The following SYNPR variants were observed in gnomAD, a reference collection of about 807,000 sequenced individuals.
SYNPR encodes synaptoporin.
SYNPR carries 23 observed loss-of-function variants against 32.9 expected under a neutral mutation model. The observed-to-expected ratio is 0.70, with a 90% confidence interval of 0.50 to 0.99. The LOEUF (loss-of-function observed/expected upper bound fraction) is 0.99. SYNPR is among the 50% of genes least tolerant of loss of function. The pLI is 0.00. For missense variants in SYNPR, 318 were observed against 349.3 expected (o/e 0.91, Z 0.71); for synonymous variants, 146 against 135.9 (o/e 1.07, Z -0.52).
chr3:63,389,189 C>A (rs1037045991), intron 2 of SYNPR, among the ~76,000 whole-genome samples: 2 of 152,018 alleles, frequency 1.3e-5, no homozygotes, highest in Admixed American at 6.5e-5. Flanking sequence ...TGCACATGTA[C>A]CCCAGAACTT....
At position 63,503,000 on chromosome 3, in the gene SYNPR, A is replaced by G. The variant is rs562803979; in HGVS notation, c.209+22044A>G. 2.0e-5 allele frequency among the ~76,000 whole-genome samples: 3 copies of G among 152,258 alleles called. No homozygotes were observed. In the South Asian group the frequency reaches 6.2e-4, roughly 32 times the overall value. On this transcript the variant is annotated intron_variant, in intron 3 of 5. Coordinates refer to ENST00000478300, the MANE Select transcript of SYNPR (RefSeq NM_001130003.2). ...CTTTGGGTAGATACTAAGGAATGGA[A>G]TTACTGGGTCACATGGTAAGAGTAT...
At chr3:63,309,099 A>G (rs1462963243) in intron 2 of SYNPR, among the ~76,000 whole-genome samples, 3 of 151,906 alleles carry the variant, frequency 2.0e-5, no homozygotes, top group Non-Finnish European at 4.4e-5. Flanking sequence ...AAACTCACCA[A>G]TCTTTTCTTC....
intron 2 of SYNPR, among the ~76,000 whole-genome samples, chr3:63,440,427 T>C (rs1700149767): frequency 1.3e-5 from 2 of 152,196 alleles, no homozygotes; most frequent in Admixed American, 6.5e-5. Flanking sequence ...AGATGAGTGA[T>C]ATGATCTAAT....
intron 2 of SYNPR, among the ~76,000 whole-genome samples, chr3:63,331,805 T>C (rs1357288609): frequency 6.6e-6 from 1 of 152,230 alleles, no homozygotes; most frequent in African/African-American, 2.4e-5. Context: ...AATTGGACCG[T>C]GGACCTCAGA....
intron 3 of SYNPR, among the ~76,000 whole-genome samples, chr3:63,486,809 G>C (rs1469407268): frequency 6.6e-6 from 1 of 152,090 alleles, no homozygotes; most frequent in Non-Finnish European, 1.5e-5. Flanking sequence ...ACTTCCCCTG[G>C]TGGTTTTCAG....
At chr3:63,261,939 A>G (rs954972991) in intron 2 of SYNPR, among the ~76,000 whole-genome samples, 3 of 152,076 alleles carry the variant, frequency 2.0e-5, no homozygotes, top group Non-Finnish European at 4.4e-5. Context: ...ATGATGAGTT[A>G]ATGGGTGCAG....
At chr3:63,293,055 A>G (rs542556469) in intron 2 of SYNPR, among the ~76,000 whole-genome samples, 6 of 152,322 alleles carry the variant, frequency 3.9e-5, no homozygotes, top group Middle Eastern at 3.4e-3. Flanking sequence ...TTCAGAGAAA[A>G]AAAAAGCCCC....
intron 3 of SYNPR, among the ~76,000 whole-genome samples, chr3:63,534,221 A>G (rs1431868345): frequency 3.9e-5 from 6 of 152,206 alleles, no homozygotes; most frequent in Non-Finnish European, 7.3e-5. Flanking sequence ...AAATCCCAGA[A>G]GAAGTCATCA....
intron 2 of SYNPR, among the ~76,000 whole-genome samples, chr3:63,315,413 A>G (rs1309017182): frequency 6.6e-6 from 1 of 152,034 alleles, no homozygotes; most frequent in East Asian, 1.9e-4. Flanking sequence ...CATTTCTTTC[A>G]GCAGTGTTTT....
At position 63,503,360 on chromosome 3, in the gene SYNPR, T is replaced by C. The variant is rs1202055580; in HGVS notation, c.209+22404T>C. ...TCCTGGATAACAGTCCTTTATGAAA[T>C]GTATCTTTTGCAAATATTTTCTCCA... On this transcript the variant is annotated intron_variant, in intron 3 of 5. Coordinates refer to ENST00000478300, the MANE Select transcript of SYNPR (RefSeq NM_001130003.2). 2.0e-5 allele frequency among the ~76,000 whole-genome samples: 3 copies of C among 152,246 alleles called. No individual in the cohort carries two copies. In the East Asian group the frequency reaches 5.8e-4, roughly 29 times the overall value.
intron 2 of SYNPR, among the ~76,000 whole-genome samples, chr3:63,423,115 C>T (rs1699828502): frequency 6.6e-6 from 1 of 152,048 alleles, no homozygotes; most frequent in Admixed American, 6.6e-5. Context: ...ATATAGGTAA[C>T]ACATGTACAT....
chr3:63,456,833 A>T (rs1305517524), intron 2 of SYNPR, among the ~76,000 whole-genome samples: 1 of 151,758 alleles, frequency 6.6e-6, no homozygotes, highest in African/African-American at 2.4e-5. Context: ...TTTTCTCCCC[A>T]CTCCGATGCC....
chr3:63,218,832 A>G, the SYNPR span, among the ~76,000 whole-genome samples: 1 of 152,218 alleles, frequency 6.6e-6, no homozygotes, highest in South Asian at 2.1e-4. Context: ...TTATGTTAAG[A>G]TTGGTTCTGC....
chr3:63,263,829 A>T (rs1226549998), intron 2 of SYNPR, among the ~76,000 whole-genome samples: 1 of 152,220 alleles, frequency 6.6e-6, no homozygotes, highest in Non-Finnish European at 1.5e-5. Context: ...GAAACTGCCC[A>T]AGATATGCCA....
At chr3:63,203,364 C>T in the SYNPR span, 3 of 152,162 alleles carry the variant, frequency 2.0e-5, no homozygotes, top group Non-Finnish European at 4.4e-5. Flanking sequence ...TTCTTACGGT[C>T]TCTTAAGGTC....
chr3:63,340,983 T>A (rs1302286143), intron 2 of SYNPR, among the ~76,000 whole-genome samples: 2 of 152,240 alleles, frequency 1.3e-5, no homozygotes, highest in African/African-American at 4.8e-5. Context: ...ATTTACAGTG[T>A]CATACAGAAT....
upstream of SYNPR, among the ~76,000 whole-genome samples, chr3:63,274,313 G>C (rs1330035234): frequency 6.6e-6 from 1 of 151,986 alleles, no homozygotes; most frequent in Non-Finnish European, 1.5e-5. Context: ...CAGCTTGGTA[G>C]TTTGGTTTGT....
intron 2 of SYNPR, among the ~76,000 whole-genome samples, chr3:63,420,158 T>G (rs1371265472): frequency 6.6e-6 from 1 of 152,198 alleles, no homozygotes; most frequent in Non-Finnish European, 1.5e-5. Context: ...AATTAGTCTA[T>G]AAATTCAATG....
At chr3:63,324,292 G>A (rs1187267495) in intron 2 of SYNPR, among the ~76,000 whole-genome samples, 1 of 152,148 alleles carries the variant, frequency 6.6e-6, no homozygotes, top group Non-Finnish European at 1.5e-5. Flanking sequence ...ACTAGTATCA[G>A]TGACCTCAAC....
Sources: gnomAD v4.1 joint callset for allele counts (sites outside exome capture counted in the v4.1 genomes callset) on GRCh38, gnomAD v4.1.1 for gene constraint, MANE v1.5 for transcripts, NCBI Gene and HGNC (gene_info 2026-07-23, HGNC 2026-07-21) for gene names.